The following ZFAT variants were observed in gnomAD, a reference collection of about 807,000 sequenced individuals.
ZFAT encodes zinc finger and AT-hook domain containing.
In ZFAT, 64 loss-of-function variants were observed where a neutral mutation model predicts 117.7. The observed-to-expected ratio is 0.54, with a 90% confidence interval of 0.44 to 0.67. The LOEUF (loss-of-function observed/expected upper bound fraction) is 0.67, where lower values mean the gene tolerates loss of function less well. Ranked by LOEUF, ZFAT falls within the 30% of genes least tolerant of loss-of-function variation. The pLI is 0.00. For synonymous variants in ZFAT, 679 were observed against 615.0 expected, an observed-to-expected ratio of 1.10 and a Z score of -1.54; for missense variants, 1,433 against 1,584.5, an observed-to-expected ratio of 0.90 and a Z score of 1.62.
At chr8:134,712,812 C>T in intron 1 of ZFAT, 33 bp downstream of exon 1, 1 of 1,187,506 alleles carries the variant, frequency 8.4e-7, no homozygotes, top group East Asian at 3.1e-5. Flanking sequence ...CCCACCCCCA[C>T]CCCGTCTCAC....
chr8:134,587,480 C>T (rs1826152164), intron 9 of ZFAT, among the ~76,000 whole-genome samples: 1 of 152,134 alleles, frequency 6.6e-6, no homozygotes, highest in African/African-American at 2.4e-5. Context: ...CATCCTTCAT[C>T]CCCCTCTACT....
intron 1 of ZFAT, among the ~76,000 whole-genome samples, chr8:134,660,268 C>G (rs1391263627): frequency 1.3e-5 from 2 of 152,232 alleles, no homozygotes; most frequent in African/African-American, 4.8e-5. Flanking sequence ...TCTCTCCTAC[C>G]TGCATTTGAC....
intron 2 of ZFAT, among the ~76,000 whole-genome samples, chr8:134,653,300 A>AAAAAAAAAG (rs1831386057): frequency 6.9e-6 from 1 of 144,338 alleles, no homozygotes. Context: ...AACAAAAAAC[A>AAAAAAAAAG]GGGTCTCACT....
chr8:134,495,142 G>C (rs568645656), intron 15 of ZFAT, among the ~76,000 whole-genome samples: 1 of 152,316 alleles, frequency 6.6e-6, no homozygotes, highest in African/African-American at 2.4e-5. Flanking sequence ...AGCTCAGGCT[G>C]CTGTCACAAA....
At chr8:134,563,812 C>T (rs1264075158) in intron 11 of ZFAT, among the ~76,000 whole-genome samples, 1 of 152,154 alleles carries the variant, frequency 6.6e-6, no homozygotes, top group Non-Finnish European at 1.5e-5. Context: ...CGCCCAGCTC[C>T]CCAGTGCTTT....
At chr8:134,722,378 T>C in the ZFAT span, among the ~76,000 whole-genome samples, 2 of 152,206 alleles carry the variant, frequency 1.3e-5, no homozygotes, top group Admixed American at 1.3e-4. Flanking sequence ...AGGGTGGCTC[T>C]CTTGGCCAGC....
intron 1 of ZFAT, among the ~76,000 whole-genome samples, chr8:134,675,760 C>T (rs897431688): frequency 2.6e-5 from 4 of 152,186 alleles, no homozygotes; most frequent in Non-Finnish European, 5.9e-5. Context: ...AGAAACCCTA[C>T]AAGCCAGAAG....
chr8:134,568,483 G>A (rs937782234), intron 10 of ZFAT, among the ~76,000 whole-genome samples: 2 of 152,200 alleles, frequency 1.3e-5, no homozygotes, highest in African/African-American at 2.4e-5. Context: ...CCACTAGAGT[G>A]GGGGAAGCAG....
At chr8:134,779,992 C>T in the ZFAT span, among the ~76,000 whole-genome samples, 1 of 152,150 alleles carries the variant, frequency 6.6e-6, no homozygotes, top group South Asian at 2.1e-4. Context: ...GTTTCTCCAA[C>T]CCCCATCTCC....
intron 1 of ZFAT, among the ~76,000 whole-genome samples, chr8:134,689,896 T>C (rs922180582): frequency 1.3e-5 from 2 of 152,260 alleles, no homozygotes; most frequent in Non-Finnish European, 2.9e-5. Flanking sequence ...GCATGGCCAC[T>C]GATGTCATTT....
intron 2 of ZFAT, among the ~76,000 whole-genome samples, chr8:134,639,059 G>A (rs1422696338): frequency 6.6e-6 from 1 of 152,190 alleles, no homozygotes; most frequent in Non-Finnish European, 1.5e-5. Flanking sequence ...CTGCACAGTA[G>A]GACACCAGCC....
intron 2 of ZFAT, among the ~76,000 whole-genome samples, chr8:134,656,581 A>G (rs1831618601): frequency 6.6e-6 from 1 of 152,194 alleles, no homozygotes; most frequent in Admixed American, 6.5e-5. Flanking sequence ...GGACTTATTA[A>G]CCAAAACATT....
chr8:134,805,346 GTTA>G, the ZFAT span, among the ~76,000 whole-genome samples: 1 of 152,104 alleles, frequency 6.6e-6, no homozygotes, highest in Admixed American at 6.5e-5. Context: ...CTGCCCTGAC[GTTA>G]TTGTTAAAAA....
chr8:134,720,790 C>T, the ZFAT span, among the ~76,000 whole-genome samples: 1 of 152,232 alleles, frequency 6.6e-6, no homozygotes, highest in African/African-American at 2.4e-5. Flanking sequence ...TCAGAGGTAG[C>T]TGCTATGGGA....
chr8:134,819,837 A>T, the ZFAT span, among the ~76,000 whole-genome samples: 1 of 152,050 alleles, frequency 6.6e-6, no homozygotes, highest in African/African-American at 2.4e-5. Context: ...AACCTTGGCC[A>T]TGTATGTATT....
At chr8:134,485,882 T>A (rs1188816015) in intron 15 of ZFAT, among the ~76,000 whole-genome samples, 1 of 152,222 alleles carries the variant, frequency 6.6e-6, no homozygotes, top group Non-Finnish European at 1.5e-5. Context: ...TGGAATACGA[T>A]AAACACCACA....
rs765071266 is a variant in ZFAT at position 134,590,363 on chromosome 8, GA to G, written c.2476-9del. On this transcript the variant is annotated splice_polypyrimidine_tract_variant and intron_variant, in intron 7 of 15. Coordinates refer to ENST00000377838, the MANE Select transcript of ZFAT (RefSeq NM_020863.4). Reference sequence around the variant, plus strand: ...AGAATAACTCCTTTTGTCCTTAATAGAAAGAGAACATAATCAGTTGACTTTC... The same window carrying G: ...AGAATAACTCCTTTTGTCCTTAATAGAAGAGAACATAATCAGTTGACTTTC... The G allele has an allele frequency of 6.3e-7, 1 of 1,598,652 alleles. No individual in the cohort carries two copies. Among genetic ancestry groups the G allele is most frequent in the African/African-American group, 1.3e-5 (1 of 74,538 alleles).
Position 134,606,885 on chromosome 8 carries a change from CT to C in ZFAT, c.785+1843del, listed in dbSNP as rs547723883. ...CTTTGGGCAATAAGATCATAAATGACTTTTTTTCCCTCAGTTTTCTGGACTT... is the reference window on the plus strand; with the variant it reads ...CTTTGGGCAATAAGATCATAAATGACTTTTTTCCCTCAGTTTTCTGGACTT... On this transcript the variant is annotated intron_variant, in intron 5 of 15. Transcript: ENST00000377838. Among the ~76,000 whole-genome samples, 356 of 152,052 alleles carry C rather than the reference CT, an allele frequency of 2.3e-3. 1 individual carries two copies. Among genetic ancestry groups the C allele is most frequent in the South Asian group, 5.4e-3 (26 of 4,812 alleles).
chr8:134,644,663 C>T (rs947243622), intron 2 of ZFAT, among the ~76,000 whole-genome samples: 4 of 151,954 alleles, frequency 2.6e-5, no homozygotes, highest in Non-Finnish European at 5.9e-5. Flanking sequence ...CGTGCACTTA[C>T]ACATGTGCCC....
Sources: allele counts gnomAD v4.1 joint callset (sites outside exome capture counted in the v4.1 genomes callset), GRCh38; gene constraint gnomAD v4.1.1; transcripts MANE v1.5; gene names NCBI Gene and HGNC (gene_info 2026-07-23, HGNC 2026-07-21).